Variants in SYT14 observed in about 807,000 individuals in gnomAD.
SYT14 encodes the protein synaptotagmin-14.
In SYT14, 32 loss-of-function variants were observed where a neutral mutation model predicts 74.2. That is an observed-to-expected ratio of 0.43 (90% CI 0.33 to 0.58). The LOEUF is 0.58. Among genes scored for constraint, SYT14 ranks in the 20% least tolerant of loss-of-function variants. SYT14 has a pLI of 0.05. For synonymous variants in SYT14, 298 were observed against 337.7 expected, an observed-to-expected ratio of 0.88 and a Z score of 1.29; for missense variants, 791 against 981.8, an observed-to-expected ratio of 0.81 and a Z score of 2.60.
chr1:210,018,676 A>G (rs1273625513), intron 4 of SYT14, among the ~76,000 whole-genome samples: 1 of 152,214 alleles, frequency 6.6e-6, no homozygotes, highest in Non-Finnish European at 1.5e-5. Flanking sequence ...AAGAAACCAA[A>G]TATTTCTAAC....
At chr1:210,091,324 C>A (rs1232871460) in intron 5 of SYT14, among the ~76,000 whole-genome samples, 3 of 152,090 alleles carry the variant, frequency 2.0e-5, no homozygotes, top group Non-Finnish European at 4.4e-5. Context: ...GCTGGCATAT[C>A]AAAAGGAACC....
At chr1:209,940,331 A>G (rs924019945) in intron 1 of SYT14, among the ~76,000 whole-genome samples, 1 of 151,852 alleles carries the variant, frequency 6.6e-6, no homozygotes, top group Non-Finnish European at 1.5e-5. Flanking sequence ...TTCTTAAAAC[A>G]TTCAGTTTCT....
chr1:209,940,847 C>G (rs2078718648), intron 1 of SYT14, among the ~76,000 whole-genome samples: 1 of 152,158 alleles, frequency 6.6e-6, no homozygotes, highest in African/African-American at 2.4e-5. Flanking sequence ...CCATTTCATT[C>G]CAGTTATACT....
In SYT14 at chr1:210,052,996, T is replaced by TA. The variant is rs528347834; in HGVS notation, c.1312+31743dup. ...CTACTAGTATTACAATTTTATACAATATCCTACATGACTACAAATTTTCTT... is the reference window on the plus strand; with the variant it reads ...CTACTAGTATTACAATTTTATACAATAATCCTACATGACTACAAATTTTCTT... On this transcript the variant is annotated intron_variant, in intron 5 of 9. Transcript: ENST00000637265. 1.9e-3 allele frequency among the ~76,000 whole-genome samples: 291 copies of TA among 152,278 alleles called. 2 individuals are homozygous for TA. Among genetic ancestry groups the TA allele is most frequent in the African/African-American group, 6.9e-3 (285 of 41,564 alleles).
intron 2 of SYT14, among the ~76,000 whole-genome samples, chr1:210,011,341 T>G (rs1427151182): frequency 2.0e-5 from 3 of 152,206 alleles, no homozygotes; most frequent in Non-Finnish European, 4.4e-5. Context: ...CCTTAGCTTC[T>G]TTTATTAAAA....
chr1:210,163,313 G>A, exon 10 of SYT14: 1 of 453,300 alleles, frequency 2.2e-6, no homozygotes, highest in Non-Finnish European at 4.4e-6. Context: ...TACATCCCTA[G>A]GGATTTATCT....
intron 5 of SYT14, among the ~76,000 whole-genome samples, chr1:210,041,386 G>A (rs1470079246): frequency 6.6e-6 from 1 of 152,160 alleles, no homozygotes; most frequent in South Asian, 2.1e-4. Context: ...CTCATACTGT[G>A]TGGCTGAATG....
intron 5 of SYT14, among the ~76,000 whole-genome samples, chr1:210,087,093 C>T (rs1173060954): frequency 6.6e-6 from 1 of 152,154 alleles, no homozygotes; most frequent in East Asian, 1.9e-4. Flanking sequence ...GGTCAGCTTG[C>T]CCCACATTGG....
chr1:210,011,681 C>A (rs1465472366), intron 2 of SYT14, among the ~76,000 whole-genome samples: 1 of 152,200 alleles, frequency 6.6e-6, no homozygotes, highest in Non-Finnish European at 1.5e-5. Context: ...TTGTTGACTT[C>A]ATTTTTAACA....
intron 7 of SYT14, among the ~76,000 whole-genome samples, chr1:210,137,868 A>T (rs899170226): frequency 6.6e-6 from 1 of 152,006 alleles, no homozygotes; most frequent in Non-Finnish European, 1.5e-5. Flanking sequence ...TTTAGTAGAG[A>T]CGGGGTTTCA....
chr1:210,126,571 C>T (rs891096252), intron 7 of SYT14, among the ~76,000 whole-genome samples: 1 of 152,044 alleles, frequency 6.6e-6, no homozygotes, highest in African/African-American at 2.4e-5. Context: ...TTTTTATTCC[C>T]ATGTAATTTG....
chr1:210,118,670 T>A lies in SYT14; in HGVS notation c.2034+18209T>A, dbSNP rs149546561. Among the ~76,000 whole-genome samples, 404 of 152,062 alleles carry A rather than the reference T, an allele frequency of 2.7e-3. 2 individuals carry two copies. Among genetic ancestry groups the A allele is most frequent in the Middle Eastern group, 6.8e-3 (2 of 294 alleles). On this transcript the variant is annotated intron_variant, in intron 7 of 9. Coordinates refer to ENST00000637265, the Ensembl canonical transcript of SYT14. Reference sequence around the variant, plus strand: ...ATTTTTGTATTTTTAGTAGAGATGATGTTTCATCATGTTGGCCAGGCTGGT... The same window carrying A: ...ATTTTTGTATTTTTAGTAGAGATGAAGTTTCATCATGTTGGCCAGGCTGGT...
chr1:210,134,941 G>A (rs544091403), intron 7 of SYT14, among the ~76,000 whole-genome samples: 1 of 151,820 alleles, frequency 6.6e-6, no homozygotes, highest in East Asian at 1.9e-4. Flanking sequence ...CCAACTCACC[G>A]ATGCTGTGTT....
At chr1:209,969,280 C>T (rs566955149) in intron 2 of SYT14, among the ~76,000 whole-genome samples, 3 of 152,124 alleles carry the variant, frequency 2.0e-5, no homozygotes, top group Non-Finnish European at 2.9e-5. Context: ...ATTGCTGCAT[C>T]GAATGGTAGC....
intron 5 of SYT14, among the ~76,000 whole-genome samples, chr1:210,022,824 C>T (rs572787070): frequency 6.6e-6 from 1 of 152,084 alleles, no homozygotes; most frequent in African/African-American, 2.4e-5. Context: ...TTTGCAGGTA[C>T]GTTTCGGATT....
At chr1:210,135,028 T>G (rs750200320) in intron 7 of SYT14, among the ~76,000 whole-genome samples, 3 of 152,048 alleles carry the variant, frequency 2.0e-5, no homozygotes, top group Non-Finnish European at 2.9e-5. Context: ...TCACCCAGGC[T>G]GGAATACAGT....
At chr1:210,143,863 ATTTAC>A (rs2082972944) in intron 7 of SYT14, among the ~76,000 whole-genome samples, 2 of 152,278 alleles carry the variant, frequency 1.3e-5, no homozygotes, top group South Asian at 4.2e-4. Flanking sequence ...ATTTTATAAT[ATTTAC>A]TTGTAACATC....
intron 6 of SYT14, among the ~76,000 whole-genome samples, chr1:210,096,822 A>G (rs1192624430): frequency 6.6e-6 from 1 of 152,178 alleles, no homozygotes; most frequent in East Asian, 1.9e-4. Flanking sequence ...ATCCCTTTCT[A>G]TAGGTAACAC....
At chr1:209,948,192 T>A (rs899880356) in intron 1 of SYT14, among the ~76,000 whole-genome samples, 1 of 152,218 alleles carries the variant, frequency 6.6e-6, no homozygotes, top group African/African-American at 2.4e-5. Flanking sequence ...CTGGATGTAT[T>A]TCGATGGGGC....
Sources: allele counts gnomAD v4.1 joint callset (sites outside exome capture counted in the v4.1 genomes callset), GRCh38; gene constraint gnomAD v4.1.1; transcripts MANE v1.5; gene names NCBI Gene and HGNC (gene_info 2026-07-23, HGNC 2026-07-21).